Variants in TLNRD1 observed in about 807,000 individuals in gnomAD.
TLNRD1 encodes the protein talin rod domain containing 1.
TLNRD1 carries 14 observed loss-of-function variants against 19.5 expected under a neutral mutation model. The observed-to-expected ratio is 0.72, with a 90% CI of 0.47 to 1.12. The LOEUF (loss-of-function observed/expected upper bound fraction) is 1.12, where lower values mean the gene tolerates loss of function less well. Among genes scored for constraint, TLNRD1 ranks in the 50% most tolerant of loss-of-function variants. TLNRD1 has a pLI of 0.00. For missense variants in TLNRD1, 569 were observed against 531.9 expected (o/e 1.07, Z -0.69); for synonymous variants, 345 against 261.7 (o/e 1.32, Z -3.07).
At position 81,004,886 on chromosome 15, in the gene TLNRD1, G is replaced by T. The variant is rs148168577; in HGVS notation, c.*1526G>T. 1 of 167,060 alleles carries T rather than the reference G, an allele frequency of 6.0e-6. No homozygotes were observed. Among genetic ancestry groups the T allele is most frequent in the African/African-American group, 2.4e-5 (1 of 41,438 alleles). 10.3% of individuals were successfully genotyped at this position (167,060 alleles called of 1,614,324 possible). On this transcript the variant is annotated 3_prime_UTR_variant, in exon 1 of 1. Coordinates refer to ENST00000267984, the MANE Select transcript of TLNRD1 (RefSeq NM_022566.3). ...CCTGAAGCCTGGGAGAGCCACATGA[G>T]TAAAAACTCGTACGTGGTTTAGATT...
At position 81,003,238 on chromosome 15, in the gene TLNRD1, A is replaced by T; in HGVS notation, c.967A>T (p.Arg323Trp). ...CGGGGGCGCCAAGATGTCGGACCACAGGGAGAGGCTGAGGAACTCGGCCTG... is the reference window on the plus strand; with the variant it reads ...CGGGGGCGCCAAGATGTCGGACCACTGGGAGAGGCTGAGGAACTCGGCCTG... ...PDGGAKMSDH[R>W]ERLRNSACAV... Residue 323 changes from arginine to tryptophan, a missense_variant, in exon 1 of 1, where the codon AGG (arginine) becomes TGG (tryptophan). Arg to Trp is a moderately radical substitution (Grantham distance 101). Coordinates refer to ENST00000267984, the MANE Select transcript of TLNRD1 (RefSeq NM_022566.3). 6.2e-7 allele frequency: 1 copy of T among 1,606,986 alleles called. No homozygotes were observed. Among genetic ancestry groups the T allele is most frequent in the Non-Finnish European group, 8.5e-7 (1 of 1,177,352 alleles).
At position 81,002,790 on chromosome 15, in the gene TLNRD1, C is replaced by G; in HGVS notation, c.519C>G (p.Ala173=). The G allele has an allele frequency of 6.4e-7, 1 of 1,557,714 alleles. No homozygotes were observed. The highest frequency in any genetic ancestry group is 8.6e-7 in the Non-Finnish European group (1 of 1,158,556). The change falls in exon 1 of 1, where the codon GCC becomes GCG. Residue 173 remains alanine (A), a synonymous_variant. Transcript: ENST00000267984. ...GCAVLRATPL[A]DMTPQLLLEV... ...CCGTGCTGCGCGCCACGCCGCTGGC[C>G]GACATGACGCCGCAGCTGCTGCTGG... is the stretch of plus-strand genomic sequence containing the variant.
In TLNRD1 at chr15:81,001,488, A is replaced by G. The variant is rs1893407226; in HGVS notation, c.-784A>G. 6.6e-6 allele frequency: 1 copy of G among 151,336 alleles called. No homozygotes were observed. The highest frequency in any genetic ancestry group is 2.4e-5 in the African/African-American group (1 of 41,324). 9.4% of individuals were successfully genotyped at this position (151,336 alleles called of 1,614,324 possible). On this transcript the variant is annotated 5_prime_UTR_variant, in exon 1 of 1. Transcript: ENST00000267984. ...GCGGGCGGGCGAGAGCTTGAGCGCG[A>G]TCCGGGCGGCCGCTGTGCGCAATCA...
Position 81,002,809 on chromosome 15 carries a change from C to G in TLNRD1, c.538C>G (p.Leu180Val). 6.3e-7 allele frequency: 1 copy of G among 1,575,936 alleles called. No individual in the cohort carries two copies. The highest frequency in any genetic ancestry group is 8.6e-7 in the Non-Finnish European group (1 of 1,168,178). ...TPLADMTPQL[L>V]LEVSQGLSRN... ...GCTGGCCGACATGACGCCGCAGCTGCTGCTGGAGGTGTCGCAGGGCCTGTC... is the reference window on the plus strand; with the variant it reads ...GCTGGCCGACATGACGCCGCAGCTGGTGCTGGAGGTGTCGCAGGGCCTGTC... Residue 180 changes from leucine (L) to valine (V), a missense_variant, in exon 1 of 1, where the codon CTG becomes GTG. By Grantham distance (32) the Leu-to-Val change is conservative (BLOSUM62 1). Coordinates refer to ENST00000267984, the MANE Select transcript of TLNRD1 (RefSeq NM_022566.3).
At position 81,005,015 on chromosome 15, in the gene TLNRD1, G is replaced by A. The variant is rs141923420; in HGVS notation, c.*1655G>A. On this transcript the variant is annotated 3_prime_UTR_variant, in exon 1 of 1. Coordinates refer to ENST00000267984, the MANE Select transcript of TLNRD1 (RefSeq NM_022566.3). ...TCACTGTAATACATTAAGAGAGAGA[G>A]AAAAAAGTCATATTGACTATTTTAC... 4.8e-5 allele frequency: 8 copies of A among 167,072 alleles called. No individual in the cohort carries two copies. In the East Asian group the frequency reaches 7.7e-4, roughly 16 times the overall value. 10.3% of individuals were successfully genotyped at this position (167,072 alleles called of 1,614,324 possible). A position where few individuals can be genotyped will look rare whatever the true frequency, so the allele number is the denominator to read the frequency against.
Position 81,003,215 on chromosome 15 carries a change from G to A in TLNRD1, c.944G>A (p.Gly315Glu). ...CLRDLAQHPD[G>E]GAKMSDHRER... ...AGGGATCTGGCGCAGCACCCCGACG[G>A]GGGCGCCAAGATGTCGGACCACAGG... Residue 315 changes from glycine to glutamate, a missense_variant, in exon 1 of 1, where the codon GGG becomes GAG. By Grantham distance (98) the Gly-to-Glu change is moderately conservative (BLOSUM62 -2). Coordinates refer to ENST00000267984, the MANE Select transcript of TLNRD1 (RefSeq NM_022566.3). 1 of 1,601,466 alleles carries A rather than the reference G, an allele frequency of 6.2e-7. No homozygotes were observed. Among genetic ancestry groups the A allele is most frequent in the Non-Finnish European group, 8.5e-7 (1 of 1,174,662 alleles).
In TLNRD1 at chr15:81,002,074, G is replaced by C; in HGVS notation, c.-198G>C. On this transcript the variant is annotated 5_prime_UTR_variant, in exon 1 of 1. Transcript: ENST00000267984. ...GCCTTCCGCGTTCTCTCGCCCTCGG[G>C]CCCACCCCGCGCCGCCCGGGCTCCC... 1 of 446,160 alleles carries C rather than the reference G, an allele frequency of 2.2e-6. No individual in the cohort carries two copies. The highest frequency in any genetic ancestry group is 4.7e-5 in the East Asian group (1 of 21,188). 27.6% of individuals were successfully genotyped at this position (446,160 alleles called of 1,614,324 possible).
At position 81,003,252 on chromosome 15, in the gene TLNRD1, G is replaced by A. The variant is rs1893446311; in HGVS notation, c.981G>A (p.Arg327=). The A allele has an allele frequency of 5.0e-6, 8 of 1,608,150 alleles. No homozygotes were observed. The highest frequency in any genetic ancestry group is 6.8e-6 in the Non-Finnish European group (8 of 1,178,010). The change falls in exon 1 of 1, where the codon AGG becomes AGA. Residue 327 remains arginine, a synonymous_variant. Transcript: ENST00000267984. ...AKMSDHRERL[R]NSACAVSEGC... ...TGTCGGACCACAGGGAGAGGCTGAG[G>A]AACTCGGCCTGCGCCGTGTCTGAAG...
In TLNRD1 at chr15:81,004,598, T is replaced by G. The variant is rs1221459799; in HGVS notation, c.*1238T>G. The G allele has an allele frequency of 6.0e-6, 1 of 167,118 alleles. No homozygotes were observed. Among genetic ancestry groups the G allele is most frequent in the South Asian group, 2.1e-4 (1 of 4,832 alleles). 10.4% of individuals were successfully genotyped at this position (167,118 alleles called of 1,614,324 possible). A position where few individuals can be genotyped will look rare whatever the true frequency, so the allele number is the denominator to read the frequency against. The stretch of plus-strand genomic sequence containing the variant: ...AGAGGAAAGAAGTATCCTGGAAAGC[T>G]TGTTAAGAACGTTCTAGAGCCACAA... On this transcript the variant is annotated 3_prime_UTR_variant, in exon 1 of 1. Transcript: ENST00000267984.
In TLNRD1 at chr15:81,002,757, G is replaced by T; in HGVS notation, c.486G>T (p.Gln162His). Residue 162 changes from glutamine to histidine, a missense_variant, in exon 1 of 1, where the codon CAG (glutamine) becomes CAT (histidine). Physicochemically the swap from Gln to His is conservative, Grantham distance 24. Transcript: ENST00000267984. The part of the protein sequence containing the change: ...RVTRCRHEVE[Q>H]GCAVLRATPL... ...CGCGATGCCGCCACGAGGTGGAGCAGGGTTGCGCCGTGCTGCGCGCCACGC... is the reference window on the plus strand; with the variant it reads ...CGCGATGCCGCCACGAGGTGGAGCATGGTTGCGCCGTGCTGCGCGCCACGC... 1 of 1,540,038 alleles carries T rather than the reference G, an allele frequency of 6.5e-7. No individual in the cohort carries two copies. Among genetic ancestry groups the T allele is most frequent in the South Asian group, 1.2e-5 (1 of 84,928 alleles).
Position 81,002,652 on chromosome 15 carries a change from C to A in TLNRD1, c.381C>A (p.Ala127=). ...TGGTGTCGCTGACCGAGTGCTCGGCCCACGCGGCCTATCTGGCCGCTGTGG... is the reference window on the plus strand; with the variant it reads ...TGGTGTCGCTGACCGAGTGCTCGGCACACGCGGCCTATCTGGCCGCTGTGG... ...DLVVSLTECS[A]HAAYLAAVAT... is the part of the protein sequence containing the mutation. The change falls in exon 1 of 1, where the codon GCC becomes GCA. Residue 127 remains alanine (A), a synonymous_variant. Transcript: ENST00000267984. 6.8e-7 allele frequency: 1 copy of A among 1,474,404 alleles called. No homozygotes were observed. Among genetic ancestry groups the A allele is most frequent in the East Asian group, 2.5e-5 (1 of 40,060 alleles). The allele number at this position is 1,474,404 out of a possible 1,614,324, so 91.3% of individuals were successfully genotyped here.
chr15:81,003,265 G>A lies in TLNRD1; in HGVS notation c.994G>A (p.Ala332Thr), dbSNP rs757958625. 6.2e-7 allele frequency: 1 copy of A among 1,609,750 alleles called. No homozygotes were observed. The highest frequency in any genetic ancestry group is 2.2e-5 in the East Asian group (1 of 44,832). The change falls in exon 1 of 1, where the codon GCC becomes ACC. Residue 332 changes from alanine (A) to threonine (T), a missense_variant. Ala to Thr is a moderately conservative substitution (Grantham distance 58). Coordinates refer to ENST00000267984, the MANE Select transcript of TLNRD1 (RefSeq NM_022566.3). ...HRERLRNSAC[A>T]VSEGCTLLSQ... ...GGAGAGGCTGAGGAACTCGGCCTGC[G>A]CCGTGTCTGAAGGCTGCACCCTGCT... is the stretch of plus-strand genomic sequence containing the variant.
chr15:81,005,209 T>G lies in TLNRD1; in HGVS notation c.*1849T>G, dbSNP rs900613283. 8 of 166,884 alleles carry G rather than the reference T, an allele frequency of 4.8e-5. No individual in the cohort carries two copies. Among genetic ancestry groups the G allele is most frequent in the South Asian group, 2.1e-4 (1 of 4,830 alleles). 10.3% of individuals were successfully genotyped at this position (166,884 alleles called of 1,614,324 possible). A position where few individuals can be genotyped will look rare whatever the true frequency, so the allele number is the denominator to read the frequency against. On this transcript the variant is annotated 3_prime_UTR_variant, in exon 1 of 1. Coordinates refer to ENST00000267984, the MANE Select transcript of TLNRD1 (RefSeq NM_022566.3). ...TTAAAAAAATGACCATGGGAGCAGT[T>G]TTTCTCTGTTAAATCCTGGTAAACT...
rs772824200 is a variant in TLNRD1 at position 81,002,799 on chromosome 15, G to A, written c.528G>A (p.Thr176=). The A allele has an allele frequency of 2.6e-6, 4 of 1,564,368 alleles. No individual in the cohort carries two copies. Among genetic ancestry groups the A allele is most frequent in the South Asian group, 1.1e-5 (1 of 86,972 alleles). Residue 176 remains threonine (T), a synonymous_variant, in exon 1 of 1, where the codon ACG becomes ACA. Coordinates refer to ENST00000267984, the MANE Select transcript of TLNRD1 (RefSeq NM_022566.3). ...VLRATPLADM[T]PQLLLEVSQG... ...GCGCCACGCCGCTGGCCGACATGAC[G>A]CCGCAGCTGCTGCTGGAGGTGTCGC...
Position 81,001,481 on chromosome 15 carries a change from G to T in TLNRD1, c.-791G>T, listed in dbSNP as rs1382115152. 3 of 151,414 alleles carry T rather than the reference G, an allele frequency of 2.0e-5. No individual in the cohort carries two copies. The highest frequency in any genetic ancestry group is 4.4e-5 in the Non-Finnish European group (3 of 67,740). The allele number at this position is 151,414 out of a possible 1,614,324, so 9.4% of individuals were successfully genotyped here. A position where few individuals can be genotyped will look rare whatever the true frequency, so the allele number is the denominator to read the frequency against. The stretch of plus-strand genomic sequence containing the variant: ...GCGTGTGGCGGGCGGGCGAGAGCTT[G>T]AGCGCGATCCGGGCGGCCGCTGTGC... On this transcript the variant is annotated 5_prime_UTR_variant, in exon 1 of 1. Transcript: ENST00000267984.
At position 81,003,474 on chromosome 15, in the gene TLNRD1, C is replaced by G; in HGVS notation, c.*114C>G. 8.5e-7 allele frequency: 1 copy of G among 1,178,412 alleles called. No homozygotes were observed. Among genetic ancestry groups the G allele is most frequent in the Non-Finnish European group, 1.2e-6 (1 of 851,310 alleles). The allele number at this position is 1,178,412 out of a possible 1,614,324, so 73.0% of individuals were successfully genotyped here. On this transcript the variant is annotated 3_prime_UTR_variant, in exon 1 of 1. Coordinates refer to ENST00000267984, the MANE Select transcript of TLNRD1 (RefSeq NM_022566.3). ...AGGTGAAACCCCCTACCCTCCCCAA[C>G]GTTAAATGCTCGAGAGGAATCTTCC...
Position 81,002,800 on chromosome 15 carries a change from C to T in TLNRD1, c.529C>T (p.Pro177Ser), listed in dbSNP as rs1291353552. ...LRATPLADMT[P>S]QLLLEVSQGL... is the part of the protein sequence containing the mutation. ...CGCCACGCCGCTGGCCGACATGACG[C>T]CGCAGCTGCTGCTGGAGGTGTCGCA... Residue 177 changes from proline (P) to serine (S), a missense_variant, in exon 1 of 1, where the codon CCG becomes TCG. Coordinates refer to ENST00000267984, the MANE Select transcript of TLNRD1 (RefSeq NM_022566.3). The T allele has an allele frequency of 3.8e-6, 6 of 1,565,656 alleles. No homozygotes were observed. The highest frequency in any genetic ancestry group is 2.7e-5 in the African/African-American group (2 of 74,168).
Position 81,005,635 on chromosome 15 carries a change from CTGTT to C in TLNRD1, c.*2278_*2281del, listed in dbSNP as rs1258382419. The C allele has an allele frequency of 6.0e-6, 1 of 167,014 alleles. No homozygotes were observed. 10.3% of individuals were successfully genotyped at this position (167,014 alleles called of 1,614,324 possible). On this transcript the variant is annotated 3_prime_UTR_variant, in exon 1 of 1. Coordinates refer to ENST00000267984, the MANE Select transcript of TLNRD1 (RefSeq NM_022566.3). ...AAAAAAAGAAAATCACTTTCCCTATCTGTTTGGATGAAGTTAACTAGCTAGTCAC... is the reference window on the plus strand; with the variant it reads ...AAAAAAAGAAAATCACTTTCCCTATCTGGATGAAGTTAACTAGCTAGTCAC...
rs1294169759 is a variant in TLNRD1, at chr15:81,001,358, G to C, written c.-914G>C. Reference sequence around the variant, plus strand: ...CGTAGACAGCCAGCGCCGGGCCGCCGGGCGCGCGGTCTGGGAGGGCGTGCC... The same window carrying C: ...CGTAGACAGCCAGCGCCGGGCCGCCCGGCGCGCGGTCTGGGAGGGCGTGCC... On this transcript the variant is annotated 5_prime_UTR_variant, in exon 1 of 1. Transcript: ENST00000267984. 6.6e-6 allele frequency: 1 copy of C among 151,126 alleles called. No homozygotes were observed. Among genetic ancestry groups the C allele is most frequent in the Non-Finnish European group, 1.5e-5 (1 of 67,790 alleles). 9.4% of individuals were successfully genotyped at this position (151,126 alleles called of 1,614,324 possible). A position where few individuals can be genotyped will look rare whatever the true frequency, so the allele number is the denominator to read the frequency against.
Sources: allele counts gnomAD v4.1 joint callset, GRCh38; gene constraint gnomAD v4.1.1; transcripts MANE v1.5; gene names NCBI Gene and HGNC (gene_info 2026-07-23, HGNC 2026-07-21).